Variants in CPNE4 observed in about 807,000 individuals in gnomAD.
CPNE4 encodes copine-4.
Under a neutral mutation model 67.9 loss-of-function variants are expected in CPNE4, and 25 were observed. The observed-to-expected ratio is 0.37, with a 90% CI of 0.27 to 0.51. The LOEUF is 0.51. Among genes scored for constraint, CPNE4 ranks in the 20% least tolerant of loss-of-function variants. CPNE4 has a pLI of 0.93. For synonymous variants in CPNE4, 242 were observed against 244.9 expected (o/e 0.99, Z 0.11); for missense variants, 464 against 690.8 (o/e 0.67, Z 3.68).
chr3:132,018,836 C>T (rs1041388520), intron 1 of CPNE4, among the ~76,000 whole-genome samples: 1 of 152,058 alleles, frequency 6.6e-6, no homozygotes, highest in African/African-American at 2.4e-5. Flanking sequence ...GAAAGAATAA[C>T]CAGGGATATA....
intron 7 of CPNE4, among the ~76,000 whole-genome samples, chr3:131,590,118 T>C (rs186186871): frequency 6.6e-6 from 1 of 152,308 alleles, no homozygotes; most frequent in East Asian, 1.9e-4. Context: ...CTCTCCCAAT[T>C]TGCCCTTCTT....
Position 131,535,037 on chromosome 3 carries a change from G to GT in CPNE4, c.*157_*158insA. The GT allele has an allele frequency of 1.5e-6, 1 of 647,482 alleles. No homozygotes were observed. The highest frequency in any genetic ancestry group is 2.9e-5 in the South Asian group (1 of 34,458). 40.1% of individuals were successfully genotyped at this position (647,482 alleles called of 1,614,324 possible). Reference sequence around the variant, plus strand: ...AGATCCAGGCCTCAGGGCTACACATGCAAAAAAAATTGTCAGATAGTTAAA... The same window carrying GT: ...AGATCCAGGCCTCAGGGCTACACATGTCAAAAAAAATTGTCAGATAGTTAAA... On this transcript the variant is annotated 3_prime_UTR_variant, in exon 16 of 16. Transcript: ENST00000429747.
At chr3:132,029,167 C>T (rs2074184330) in intron 1 of CPNE4, among the ~76,000 whole-genome samples, 1 of 152,116 alleles carries the variant, frequency 6.6e-6, no homozygotes, top group South Asian at 2.1e-4. Flanking sequence ...CTTCTGATAA[C>T]AGGCCCAAGT....
chr3:131,902,200 G>C (rs1459098518), intron 2 of CPNE4, among the ~76,000 whole-genome samples: 1 of 152,080 alleles, frequency 6.6e-6, no homozygotes, highest in Non-Finnish European at 1.5e-5. Context: ...CAATTAAGCT[G>C]ATATTAATGG....
chr3:131,780,632 C>T (rs918979577), intron 2 of CPNE4, among the ~76,000 whole-genome samples: 9 of 151,898 alleles, frequency 5.9e-5, no homozygotes, highest in South Asian at 2.1e-4. Flanking sequence ...AACACACAGA[C>T]GCAAAGAGAG....
intron 3 of CPNE4, among the ~76,000 whole-genome samples, chr3:131,715,659 G>T (rs1038521757): frequency 1.3e-5 from 2 of 152,204 alleles, no homozygotes; most frequent in Admixed American, 1.3e-4. Context: ...AAATAAAAGT[G>T]CCTGGAGTTT....
chr3:132,018,606 G>T (rs1373194707), intron 1 of CPNE4, among the ~76,000 whole-genome samples: 1 of 152,148 alleles, frequency 6.6e-6, no homozygotes, highest in Non-Finnish European at 1.5e-5. Flanking sequence ...GCCTGTGTCT[G>T]CTAGGAAAGA....
chr3:131,848,981 A>AAAAAAAAAAAAAAAAAAC (rs1297906130), intron 2 of CPNE4, among the ~76,000 whole-genome samples: 1 of 141,668 alleles, frequency 7.1e-6, no homozygotes, highest in African/African-American at 2.5e-5. Flanking sequence ...AAAAAAAAAA[A>AAAAAAAAAAAAAAAAAAC]ACACAGAGAT....
At chr3:131,885,060 G>T (rs985260340) in intron 2 of CPNE4, among the ~76,000 whole-genome samples, 3 of 152,192 alleles carry the variant, frequency 2.0e-5, no homozygotes, top group African/African-American at 7.2e-5. Context: ...GGAACAATTT[G>T]GAGTGCTCAG....
chr3:131,683,975 C>G (rs114686949), intron 6 of CPNE4, among the ~76,000 whole-genome samples: 1 of 152,054 alleles, frequency 6.6e-6, no homozygotes, highest in Non-Finnish European at 1.5e-5. Flanking sequence ...ATCACTGTCT[C>G]TTCCCCAAGC....
At chr3:131,899,122 C>G (rs1432010196) in intron 2 of CPNE4, among the ~76,000 whole-genome samples, 1 of 152,094 alleles carries the variant, frequency 6.6e-6, no homozygotes, top group Non-Finnish European at 1.5e-5. Context: ...TAGCTCTCGT[C>G]TATGTCCACA....
intron 7 of CPNE4, among the ~76,000 whole-genome samples, chr3:131,652,158 G>C (rs181678920): frequency 1.5e-3 from 226 of 152,296 alleles, no homozygotes; most frequent in African/African-American, 5.1e-3. Context: ...CTTGATTACT[G>C]TGTAGTGTAG....
At chr3:131,977,587 C>A (rs1583545943) in intron 1 of CPNE4, among the ~76,000 whole-genome samples, 1 of 152,088 alleles carries the variant, frequency 6.6e-6, no homozygotes, top group East Asian at 1.9e-4. Flanking sequence ...CAAACACAAA[C>A]ACATACAATA....
intron 2 of CPNE4, among the ~76,000 whole-genome samples, chr3:131,764,905 T>A (rs756345367): frequency 6.6e-5 from 10 of 152,096 alleles, no homozygotes; most frequent in Non-Finnish European, 1.3e-4. Flanking sequence ...AGACCTCCTG[T>A]CAATGACCTG....
chr3:131,773,351 A>ATTATTTATTTAT (rs61694682), intron 2 of CPNE4, among the ~76,000 whole-genome samples: 29,666 of 151,254 alleles, frequency 0.2, 3,562 homozygotes, highest in Middle Eastern at 0.27. Context: ...AGTTTTATTT[A>ATTATTTATTTAT]TTATTTATTT....
At chr3:131,653,533 C>T (rs2079870225) in intron 7 of CPNE4, among the ~76,000 whole-genome samples, 1 of 152,112 alleles carries the variant, frequency 6.6e-6, no homozygotes, top group Non-Finnish European at 1.5e-5. Context: ...AGTCCTAATC[C>T]CAGAAATCCA....
chr3:131,661,256 A>G (rs2080117045), intron 7 of CPNE4, among the ~76,000 whole-genome samples: 1 of 152,224 alleles, frequency 6.6e-6, no homozygotes, highest in African/African-American at 2.4e-5. Flanking sequence ...AAGAGCAGAA[A>G]TTATAGAGCA....
At chr3:131,634,032 A>G (rs574593287) in intron 7 of CPNE4, among the ~76,000 whole-genome samples, 1 of 152,124 alleles carries the variant, frequency 6.6e-6, no homozygotes, top group Non-Finnish European at 1.5e-5. Context: ...TTGTGGAGCT[A>G]AAAAAATGCA....
intron 2 of CPNE4, among the ~76,000 whole-genome samples, chr3:131,902,057 C>T (rs749496895): frequency 1.5e-4 from 22 of 145,170 alleles, no homozygotes; most frequent in Non-Finnish European, 2.3e-4. Context: ...CTCTTAGCCA[C>T]CTGGCATGCA....
Sources: gnomAD v4.1 joint callset for allele counts (sites outside exome capture counted in the v4.1 genomes callset) on GRCh38, gnomAD v4.1.1 for gene constraint, MANE v1.5 for transcripts, NCBI Gene and HGNC (gene_info 2026-07-23, HGNC 2026-07-21) for gene names.